Variants in ARHGAP15 observed in about 807,000 individuals in gnomAD.
ARHGAP15 encodes rho GTPase-activating protein 15.
Under a neutral mutation model 63.7 loss-of-function variants are expected in ARHGAP15, and 51 were observed. The observed-to-expected ratio is 0.80, with a 90% CI of 0.64 to 1.01. ARHGAP15 has a LOEUF of 1.01. ARHGAP15 is among the 50% of genes least tolerant of loss of function. ARHGAP15 has a pLI of 0.00. For missense variants in ARHGAP15, 560 were observed against 564.6 expected, an observed-to-expected ratio of 0.99 and a Z score of 0.08; for synonymous variants, 191 against 193.8, an observed-to-expected ratio of 0.99 and a Z score of 0.12.
chr2:143,513,682 T>C (rs1027943488), intron 9 of ARHGAP15, among the ~76,000 whole-genome samples: 2 of 152,374 alleles, frequency 1.3e-5, no homozygotes, highest in South Asian at 4.1e-4. Context: ...ATACTTTTCC[T>C]TAATGTCTAA....
At chr2:143,468,868 C>T (rs1691379114) in intron 8 of ARHGAP15, among the ~76,000 whole-genome samples, 1 of 152,034 alleles carries the variant, frequency 6.6e-6, no homozygotes. Context: ...TCAAATTGAA[C>T]AAAACCAGTC....
intron 13 of ARHGAP15, among the ~76,000 whole-genome samples, chr2:143,746,501 G>T (rs1686170837): frequency 6.6e-6 from 1 of 152,164 alleles, no homozygotes; most frequent in East Asian, 1.9e-4. Context: ...AAATATTGGG[G>T]AGTACCTCAC....
intron 11 of ARHGAP15, among the ~76,000 whole-genome samples, chr2:143,600,220 T>A (rs1198065685): frequency 6.6e-6 from 1 of 152,206 alleles, no homozygotes; most frequent in Non-Finnish European, 1.5e-5. Flanking sequence ...GATTACAGAC[T>A]TTTGCATGTT....
intron 10 of ARHGAP15, among the ~76,000 whole-genome samples, chr2:143,534,884 A>G (rs1018440016): frequency 6.6e-6 from 1 of 152,044 alleles, no homozygotes; most frequent in Non-Finnish European, 1.5e-5. Flanking sequence ...CTGTCTCAAA[A>G]AAAAAATAAA....
At chr2:143,319,238 T>A (rs1030306855) in intron 6 of ARHGAP15, among the ~76,000 whole-genome samples, 26 of 151,970 alleles carry the variant, frequency 1.7e-4, no homozygotes, top group Admixed American at 1.3e-4. Context: ...CTTTTTTTTT[T>A]TTTTAATATG....
chr2:143,288,627 T>TA lies in ARHGAP15; in HGVS notation c.474+38027_474+38028insA, dbSNP rs1468653437. 2.6e-5 allele frequency among the ~76,000 whole-genome samples: 4 copies of TA among 152,130 alleles called. No homozygotes were observed. In the East Asian group the frequency reaches 7.7e-4, roughly 29 times the overall value. ...CCCTTAGATTCCTCGGGACACTTTT[T>TA]TTTTTTTTGTCTGCAGACACCTTAA... On this transcript the variant is annotated intron_variant, in intron 6 of 13. Transcript: ENST00000295095.
At position 143,624,292 on chromosome 2, in the gene ARHGAP15, G is replaced by A. The variant is rs775081170; in HGVS notation, c.1138+25G>A. 8.8e-6 allele frequency: 14 copies of A among 1,591,468 alleles called. No individual in the cohort carries two copies. The Admixed American group carries it at 1.2e-4, about 14-fold the overall frequency. On this transcript the variant is annotated intron_variant, in intron 12 of 13. Coordinates refer to ENST00000295095, the MANE Select transcript of ARHGAP15 (RefSeq NM_018460.4). ...AGTAAGTACCTCACAGAAAAGGGCA[G>A]GTGGTAGAATAACCTGACATCCTGG...
At chr2:143,140,261 G>A (rs1393913114) in intron 1 of ARHGAP15, among the ~76,000 whole-genome samples, 1 of 152,120 alleles carries the variant, frequency 6.6e-6, no homozygotes, top group East Asian at 1.9e-4. Flanking sequence ...GCAAAGGGAA[G>A]AAGAGATAAC....
intron 10 of ARHGAP15, among the ~76,000 whole-genome samples, chr2:143,548,137 G>T (rs923952467): frequency 2.0e-5 from 3 of 152,094 alleles, no homozygotes; most frequent in Admixed American, 6.6e-5. Flanking sequence ...CTGGGCAGAA[G>T]AGCAAATAGG....
chr2:143,378,685 G>T (rs991165269), intron 6 of ARHGAP15, among the ~76,000 whole-genome samples: 1 of 152,056 alleles, frequency 6.6e-6, no homozygotes, highest in African/African-American at 2.4e-5. Flanking sequence ...ATTGATTGAT[G>T]TGTTTTATCT....
intron 6 of ARHGAP15, among the ~76,000 whole-genome samples, chr2:143,313,568 AGT>A (rs1289059969): frequency 6.6e-6 from 1 of 152,056 alleles, no homozygotes; most frequent in Non-Finnish European, 1.5e-5. Context: ...GGAGGCAAGG[AGT>A]GTGTGTATGG....
chr2:143,505,917 C>G (rs771261557), intron 9 of ARHGAP15, among the ~76,000 whole-genome samples: 1 of 152,188 alleles, frequency 6.6e-6, no homozygotes, highest in Admixed American at 6.5e-5. Flanking sequence ...ATACCTAGCA[C>G]TCAGCATTAG....
intron 4 of ARHGAP15, 148 bp from the exon 5 acceptor site, chr2:143,228,433 T>C (rs12691671): frequency 0.34 from 149,339 of 441,716 alleles, 25,931 homozygotes; most frequent in South Asian, 0.47. Context: ...TCCATACCAC[T>C]TATAGATTTT....
At chr2:143,576,532 A>G (rs1696687481) in intron 11 of ARHGAP15, among the ~76,000 whole-genome samples, 1 of 152,150 alleles carries the variant, frequency 6.6e-6, no homozygotes, top group South Asian at 2.1e-4. Flanking sequence ...TGGATTAAGA[A>G]AAAATTGACT....
chr2:143,269,036 T>C (rs1006277270), intron 6 of ARHGAP15, among the ~76,000 whole-genome samples: 4 of 152,140 alleles, frequency 2.6e-5, no homozygotes, highest in African/African-American at 9.6e-5. Context: ...TTGGCAGATA[T>C]CTTGAAGAAA....
intron 10 of ARHGAP15, among the ~76,000 whole-genome samples, chr2:143,530,305 A>C (rs1462628258): frequency 6.6e-6 from 1 of 152,106 alleles, no homozygotes; most frequent in Non-Finnish European, 1.5e-5. Context: ...ATGACATACC[A>C]TATTTGTAAT....
intron 11 of ARHGAP15, among the ~76,000 whole-genome samples, chr2:143,583,234 A>G (rs896438402): frequency 6.6e-6 from 1 of 152,232 alleles, no homozygotes; most frequent in East Asian, 1.9e-4. Context: ...TATGAGTATC[A>G]TGCTACCAAC....
intron 10 of ARHGAP15, among the ~76,000 whole-genome samples, chr2:143,554,619 C>G (rs1695709994): frequency 6.6e-6 from 1 of 151,876 alleles, no homozygotes; most frequent in Admixed American, 6.6e-5. Flanking sequence ...TACCAAACAG[C>G]ATCTAATGAC....
chr2:143,170,927 C>G (rs1690751740), intron 2 of ARHGAP15, among the ~76,000 whole-genome samples: 1 of 152,050 alleles, frequency 6.6e-6, no homozygotes, highest in African/African-American at 2.4e-5. Context: ...TCAACAGAAC[C>G]TTGATGAAAA....
Sources: allele counts gnomAD v4.1 joint callset (sites outside exome capture counted in the v4.1 genomes callset), GRCh38; gene constraint gnomAD v4.1.1; transcripts MANE v1.5; gene names NCBI Gene and HGNC (gene_info 2026-07-23, HGNC 2026-07-21).